Variants in ALK observed in about 807,000 individuals in gnomAD.
ALK encodes ALK tyrosine kinase receptor.
A neutral mutation model predicts 163.1 loss-of-function variants in ALK; 74 were observed. That is an observed-to-expected ratio of 0.45 (90% CI 0.38 to 0.55). The LOEUF (loss-of-function observed/expected upper bound fraction) is 0.55, where lower values mean the gene tolerates loss of function less well. Among genes scored for constraint, ALK ranks in the 20% least tolerant of loss-of-function variants. The probability of loss-of-function intolerance (pLI) is 0.00; values close to 1 mark genes in which losing one functional copy is unlikely to be tolerated. For missense variants in ALK, 2,063 were observed against 2,105.3 expected (o/e 0.98, Z 0.39); for synonymous variants, 960 against 843.2 (o/e 1.14, Z -2.40).
intron 6 of ALK, among the ~76,000 whole-genome samples, chr2:29,322,490 A>G (rs978556083): frequency 2.0e-5 from 3 of 152,240 alleles, no homozygotes; most frequent in African/African-American, 7.2e-5. Context: ...GCAGAAACCA[A>G]CTGGTGGAAG....
intron 4 of ALK, among the ~76,000 whole-genome samples, chr2:29,530,864 G>A (rs919691885): frequency 1.3e-5 from 2 of 152,250 alleles, no homozygotes; most frequent in African/African-American, 2.4e-5. Flanking sequence ...GGAATGGGGA[G>A]AGCATTCTTT....
At chr2:29,450,487 G>T (rs1670793881) in intron 4 of ALK, among the ~76,000 whole-genome samples, 1 of 151,994 alleles carries the variant, frequency 6.6e-6, no homozygotes, top group Non-Finnish European at 1.5e-5. Flanking sequence ...GGTTGTGTGG[G>T]GCAGACAGGG....
chr2:29,804,135 A>G (rs1445321750), intron 1 of ALK, among the ~76,000 whole-genome samples: 2 of 152,244 alleles, frequency 1.3e-5, no homozygotes, highest in African/African-American at 4.8e-5. Context: ...AAGCCTGCCT[A>G]TCTGTGAAGC....
intron 4 of ALK, among the ~76,000 whole-genome samples, chr2:29,391,293 G>T (rs1162995839): frequency 6.9e-5 from 6 of 87,128 alleles, no homozygotes; most frequent in Non-Finnish European, 1.3e-4. Flanking sequence ...CCTTTTCCTA[G>T]CCTCTTTTTT....
At chr2:29,387,481 T>C (rs985587931) in intron 4 of ALK, among the ~76,000 whole-genome samples, 11 of 152,196 alleles carry the variant, frequency 7.2e-5, no homozygotes, top group African/African-American at 1.4e-4. Context: ...AAGAGATATG[T>C]AGAAAAGCCA....
rs773307818 is a variant in ALK at position 29,225,601 on chromosome 2, C to T, written c.3068-36G>A. The T allele has an allele frequency of 1.9e-6, 3 of 1,557,832 alleles. No homozygotes were observed. In the South Asian group the frequency reaches 3.5e-5, roughly 18 times the overall value. ...GGTCCCACTGGGGTATTGACAACCACACCAGGTCTCCTTTGAGTTGGTCCC... is the reference window on the plus strand; with the variant it reads ...GGTCCCACTGGGGTATTGACAACCATACCAGGTCTCCTTTGAGTTGGTCCC... On this transcript the variant is annotated intron_variant, in intron 18 of 28. Coordinates refer to ENST00000389048, the MANE Select transcript of ALK (RefSeq NM_004304.5).
chr2:29,788,315 C>T (rs1055920455), intron 1 of ALK, among the ~76,000 whole-genome samples: 6 of 152,164 alleles, frequency 3.9e-5, no homozygotes, highest in African/African-American at 1.4e-4. Flanking sequence ...GAGGGATATT[C>T]CAGTGGACAG....
chr2:29,239,451 G>A (rs972490463), intron 13 of ALK, among the ~76,000 whole-genome samples: 1 of 152,140 alleles, frequency 6.6e-6, no homozygotes, highest in African/African-American at 2.4e-5. Context: ...AGGGTGCTGA[G>A]TTCCTGCTAG....
At chr2:29,721,788 A>G (rs1418798173) in intron 1 of ALK, among the ~76,000 whole-genome samples, 1 of 152,208 alleles carries the variant, frequency 6.6e-6, no homozygotes, top group Non-Finnish European at 1.5e-5. Flanking sequence ...GCACCATCTT[A>G]TAAAGAAAGA....
intron 11 of ALK, 56 bp downstream of exon 11, chr2:29,275,042 CT>C (rs1665495896): frequency 3.7e-6 from 6 of 1,610,808 alleles, no homozygotes; most frequent in Non-Finnish European, 5.1e-6. Context: ...ACCAATCTTT[CT>C]TCTGCCTTTT....
chr2:29,803,199 G>A (rs1037402252), intron 1 of ALK, among the ~76,000 whole-genome samples: 1 of 152,146 alleles, frequency 6.6e-6, no homozygotes, highest in Non-Finnish European at 1.5e-5. Context: ...AATAGTCCAC[G>A]TAATTCAGAC....
chr2:29,680,406 T>C (rs1462055450), intron 3 of ALK, among the ~76,000 whole-genome samples: 1 of 152,152 alleles, frequency 6.6e-6, no homozygotes. Flanking sequence ...GTGAAAAATT[T>C]ATACTGGCTT....
chr2:29,588,355 C>T (rs541885650), intron 3 of ALK, among the ~76,000 whole-genome samples: 3 of 152,202 alleles, frequency 2.0e-5, no homozygotes, highest in South Asian at 4.2e-4. Flanking sequence ...CTCAGCCTCC[C>T]GAGTAGCTGG....
At chr2:29,318,953 C>G (rs778501104) in intron 7 of ALK, among the ~76,000 whole-genome samples, 35 of 152,176 alleles carry the variant, frequency 2.3e-4, no homozygotes, top group Admixed American at 1.3e-4. Flanking sequence ...CCAGCTTTAG[C>G]CCATGGCCCA....
At chr2:29,509,387 T>C (rs538463583) in intron 4 of ALK, among the ~76,000 whole-genome samples, 1 of 152,296 alleles carries the variant, frequency 6.6e-6, no homozygotes, top group South Asian at 2.1e-4. Context: ...TGGAGAAGGC[T>C]GTTTTAAGAG....
intron 8 of ALK, among the ~76,000 whole-genome samples, chr2:29,298,504 C>T (rs1666268469): frequency 6.6e-6 from 1 of 152,162 alleles, no homozygotes; most frequent in South Asian, 2.1e-4. Flanking sequence ...CTAATTTGAA[C>T]TTCCATGAAT....
intron 4 of ALK, among the ~76,000 whole-genome samples, chr2:29,442,147 C>T (rs1485065128): frequency 6.6e-6 from 1 of 152,144 alleles, no homozygotes; most frequent in Non-Finnish European, 1.5e-5. Context: ...TTCTCTTCCA[C>T]TCCATTATAA....
intron 3 of ALK, among the ~76,000 whole-genome samples, chr2:29,552,356 T>C (rs1191294746): frequency 2.0e-5 from 3 of 151,990 alleles, no homozygotes; most frequent in Non-Finnish European, 4.4e-5. Context: ...TTTTTGGGGG[T>C]GTATATGCAG....
At chr2:29,785,742 A>G (rs13008078) in intron 1 of ALK, among the ~76,000 whole-genome samples, 1 of 152,234 alleles carries the variant, frequency 6.6e-6, no homozygotes, top group Non-Finnish European at 1.5e-5. Context: ...CCCCAAAGCC[A>G]CAGACCACTA....
Sources: gnomAD v4.1 joint callset for allele counts (sites outside exome capture counted in the v4.1 genomes callset) on GRCh38, gnomAD v4.1.1 for gene constraint, MANE v1.5 for transcripts, NCBI Gene and HGNC (gene_info 2026-07-23, HGNC 2026-07-21) for gene names.